The following ZNF528 variants were observed in gnomAD, a reference collection of about 807,000 sequenced individuals.
ZNF528 encodes zinc finger protein 528.
Under a neutral mutation model 13.3 loss-of-function variants are expected in ZNF528, and 9 were observed. That is an observed-to-expected ratio of 0.67 (90% CI 0.41 to 1.18). The LOEUF (loss-of-function observed/expected upper bound fraction) is 1.18, where lower values mean the gene tolerates loss of function less well. Ranked by LOEUF, ZNF528 falls within the 50% of genes most tolerant of loss-of-function variation. The probability of loss-of-function intolerance (pLI) is 0.01; values close to 1 mark genes in which losing one functional copy is unlikely to be tolerated. For missense variants in ZNF528, 858 were observed against 745.4 expected (o/e 1.15, Z -1.76); for synonymous variants, 264 against 254.3 (o/e 1.04, Z -0.36).
intron 3 of ZNF528, 23 bp downstream of exon 3, chr19:52,401,776 G>T: frequency 6.9e-7 from 1 of 1,449,798 alleles, no homozygotes; most frequent in Non-Finnish European, 9.1e-7. Context: ...CATAATGGTT[G>T]ATTTCCAAAA....
Position 52,416,651 on chromosome 19 carries a change from T to C in ZNF528, c.1799T>C (p.Ile600Thr), listed in dbSNP as rs148861564. 6.2e-6 allele frequency: 10 copies of C among 1,614,102 alleles called. No homozygotes were observed. The highest frequency in any genetic ancestry group is 5.3e-5 in the African/African-American group (4 of 75,046). The change falls in exon 7 of 7, where the codon ATT becomes ACT. Residue 600 changes from isoleucine (I) to threonine (T), a missense_variant. Coordinates refer to ENST00000360465, the MANE Select transcript of ZNF528 (RefSeq NM_032423.3). The part of the protein sequence containing the change: ...SSLTNHHRIH[I>T]GEKPYKCTLC... ...CTCACCAATCACCATAGAATTCACA[T>C]TGGAGAGAAACCTTACAAATGCACC...
At chr19:52,399,231 G>C (rs1334745947) in intron 2 of ZNF528, among the ~76,000 whole-genome samples, 1 of 152,046 alleles carries the variant, frequency 6.6e-6, no homozygotes, top group Non-Finnish European at 1.5e-5. Flanking sequence ...GGAAAGAGGG[G>C]GACCCTGGTT....
chr19:52,404,521 A>G (rs906246867), intron 4 of ZNF528, among the ~76,000 whole-genome samples: 1 of 152,130 alleles, frequency 6.6e-6, no homozygotes, highest in African/African-American at 2.4e-5. Context: ...AATAGTGCCT[A>G]TCACATGGGA....
At position 52,406,622 on chromosome 19, in the gene ZNF528, T is replaced by G; in HGVS notation, c.250T>G (p.Cys84Gly). 3.1e-6 allele frequency: 5 copies of G among 1,613,200 alleles called. No homozygotes were observed. Among genetic ancestry groups the G allele is most frequent in the Non-Finnish European group, 4.2e-6 (5 of 1,179,688 alleles). ...KIANDPDGRE[C>G]IKGVNTERSS... ...AGCAAACGATCCAGACGGCAGGGAG[T>G]GCATCAAAGGTGTGAACACAGGTGA... Residue 84 changes from cysteine to glycine, a missense_variant, in exon 6 of 7, where the codon TGC becomes GGC. Cys to Gly is a radical substitution (Grantham distance 159). Transcript: ENST00000360465.
At chr19:52,405,526 G>T (rs140961573) in intron 4 of ZNF528, among the ~76,000 whole-genome samples, 463 of 151,608 alleles carry the variant, frequency 3.1e-3, no homozygotes, top group African/African-American at 9.7e-3. Context: ...GTGATACCCT[G>T]TCTCAAAAAA....
rs2058986866 is a variant in ZNF528 at position 52,415,372 on chromosome 19, C to G, written c.520C>G (p.Pro174Ala). The G allele has an allele frequency of 2.5e-6, 4 of 1,613,694 alleles. No homozygotes were observed. In the East Asian group the frequency reaches 8.9e-5, roughly 36 times the overall value. Residue 174 changes from proline to alanine, a missense_variant, in exon 7 of 7, where the codon CCA (proline) becomes GCA (alanine). Coordinates refer to ENST00000360465, the MANE Select transcript of ZNF528 (RefSeq NM_032423.3). ...RNNFDHAPLL[P>A]QEQKAHIREK... The stretch of plus-strand genomic sequence containing the variant: ...TAATTTTGATCATGCTCCATTACTT[C>G]CACAAGAACAGAAAGCACACATTAG...
At chr19:52,408,858 C>A (rs765150851) in intron 6 of ZNF528, among the ~76,000 whole-genome samples, 1 of 152,154 alleles carries the variant, frequency 6.6e-6, no homozygotes, top group East Asian at 1.9e-4. Context: ...TGAGCCACTG[C>A]GCCCTGCCTA....
At chr19:52,403,659 CAAAAAAA>C (rs398035018) in intron 4 of ZNF528, among the ~76,000 whole-genome samples, 1 of 84,978 alleles carries the variant, frequency 1.2e-5, no homozygotes, top group Non-Finnish European at 2.1e-5. Context: ...GACTCCATCT[CAAAAAAA>C]AAAAAAAAAA....
intron 4 of ZNF528, 143 bp downstream of exon 4, chr19:52,402,171 T>C (rs1052022162): frequency 8.2e-7 from 1 of 1,214,752 alleles, no homozygotes. Flanking sequence ...GTCCCTTCAT[T>C]TCCGCTTGAG....
Position 52,398,668 on chromosome 19 carries a change from TAGC to T in ZNF528, c.-137+52_-137+54del, listed in dbSNP as rs1361513843. On this transcript the variant is annotated intron_variant, in intron 2 of 6. Transcript: ENST00000360465. Reference sequence around the variant, plus strand: ...ACAGTGAAAGAAGGTGCCGAGAAAATAGCAGGGGAGAAAAGTAACTGTAAAAAT... The same window carrying T: ...ACAGTGAAAGAAGGTGCCGAGAAAATAGGGGAGAAAAGTAACTGTAAAAAT... 7.5e-6 allele frequency: 7 copies of T among 934,990 alleles called. No homozygotes were observed. The African/African-American group carries it at 1.2e-4, about 16-fold the overall frequency. 57.9% of individuals were successfully genotyped at this position (934,990 alleles called of 1,614,324 possible).
intron 2 of ZNF528, among the ~76,000 whole-genome samples, chr19:52,400,566 A>G (rs1480575407): frequency 2.6e-5 from 4 of 152,076 alleles, no homozygotes; most frequent in Non-Finnish European, 2.9e-5. Context: ...CTGTCACCCA[A>G]GCTGGCATGC....
chr19:52,416,751 A>G lies in ZNF528; in HGVS notation c.*12A>G, dbSNP rs576143983. 1 of 1,463,464 alleles carries G rather than the reference A, an allele frequency of 6.8e-7. No homozygotes were observed. Among genetic ancestry groups the G allele is most frequent in the Non-Finnish European group, 9.2e-7 (1 of 1,088,758 alleles). The allele number at this position is 1,463,464 out of a possible 1,614,324, so 90.7% of individuals were successfully genotyped here. Reference sequence around the variant, plus strand: ...GAGTTCATTCATGAGAGTCCCTACAAACTGTATGGCAAAACCATCATCATG... The same window carrying G: ...GAGTTCATTCATGAGAGTCCCTACAGACTGTATGGCAAAACCATCATCATG... On this transcript the variant is annotated 3_prime_UTR_variant, in exon 7 of 7. Transcript: ENST00000360465.
intron 4 of ZNF528, 74 bp from the exon 5 acceptor site, chr19:52,405,833 G>A (rs2058849131): frequency 5.1e-6 from 8 of 1,577,394 alleles, no homozygotes; most frequent in East Asian, 2.3e-5. Flanking sequence ...AGTCCTTAAC[G>A]ACTGTCTTCC....
chr19:52,406,746 A>C, intron 6 of ZNF528, 103 bp downstream of exon 6: 3 of 1,407,878 alleles, frequency 2.1e-6, no homozygotes, highest in Non-Finnish European at 2.8e-6. Flanking sequence ...ATCATAGCTC[A>C]CTGCAGCCTT....
chr19:52,398,180 C>T (rs917671468), intron 1 of ZNF528, among the ~76,000 whole-genome samples, 187 bp from the exon 2 acceptor site: 2 of 152,154 alleles, frequency 1.3e-5, no homozygotes, highest in African/African-American at 4.8e-5. Context: ...CCTACACACG[C>T]CCCGCACCAC....
rs1357347993 is a variant in ZNF528, at chr19:52,417,414, C to T, written c.*675C>T. Reference sequence around the variant, plus strand: ...ACTGTTGCAGTTAGCACACTTTCTCCTGACATAAGTGCACAGAGCTTCAGT... The same window carrying T: ...ACTGTTGCAGTTAGCACACTTTCTCTTGACATAAGTGCACAGAGCTTCAGT... On this transcript the variant is annotated 3_prime_UTR_variant, in exon 7 of 7. Coordinates refer to ENST00000360465, the MANE Select transcript of ZNF528 (RefSeq NM_032423.3). The T allele has an allele frequency of 6.1e-6, 1 of 164,938 alleles. No individual in the cohort carries two copies. The highest frequency in any genetic ancestry group is 1.3e-5 in the Non-Finnish European group (1 of 76,990). 10.2% of individuals were successfully genotyped at this position (164,938 alleles called of 1,614,324 possible).
intron 6 of ZNF528, chr19:52,414,112 C>T (rs899514430): frequency 1.5e-6 from 1 of 674,452 alleles, no homozygotes; most frequent in Non-Finnish European, 2.7e-6. Flanking sequence ...GCACCGACCT[C>T]ATATCGCTCC....
chr19:52,417,775 C>T lies in ZNF528; in HGVS notation c.*1036C>T, dbSNP rs2059019602. On this transcript the variant is annotated 3_prime_UTR_variant, in exon 7 of 7. Coordinates refer to ENST00000360465, the MANE Select transcript of ZNF528 (RefSeq NM_032423.3). Reference sequence around the variant, plus strand: ...GAGACTACAGACGTGCGCCACCACACCCAGTTCATTTTTGTATTTTTAGTA... The same window carrying T: ...GAGACTACAGACGTGCGCCACCACATCCAGTTCATTTTTGTATTTTTAGTA... 6.6e-6 allele frequency: 1 copy of T among 151,924 alleles called. No homozygotes were observed. The highest frequency in any genetic ancestry group is 1.5e-5 in the Non-Finnish European group (1 of 68,042). The allele number at this position is 151,924 out of a possible 1,614,324, so 9.4% of individuals were successfully genotyped here.
At chr19:52,404,966 C>G (rs2058837153) in intron 4 of ZNF528, among the ~76,000 whole-genome samples, 1 of 151,688 alleles carries the variant, frequency 6.6e-6, no homozygotes, top group African/African-American at 2.4e-5. Flanking sequence ...GCCTGTAATC[C>G]CAGCACTTTA....
Sources: allele counts gnomAD v4.1 joint callset (sites outside exome capture counted in the v4.1 genomes callset), GRCh38; gene constraint gnomAD v4.1.1; transcripts MANE v1.5; gene names NCBI Gene and HGNC (gene_info 2026-07-23, HGNC 2026-07-21).